Variants in C8orf34 observed in about 807,000 individuals in gnomAD.
C8orf34 encodes chromosome 8 open reading frame 34.
In C8orf34, 65 loss-of-function variants were observed where a neutral mutation model predicts 68.3. The observed-to-expected ratio is 0.95, with a 90% CI of 0.78 to 1.17. The LOEUF (loss-of-function observed/expected upper bound fraction) is 1.17, where lower values mean the gene tolerates loss of function less well. Among genes scored for constraint, C8orf34 ranks in the 50% most tolerant of loss-of-function variants. C8orf34 has a pLI of 0.00. For missense variants in C8orf34, 664 were observed against 655.4 expected (o/e 1.01, Z -0.14); for synonymous variants, 244 against 241.2 (o/e 1.01, Z -0.11).
intron 1 of C8orf34, among the ~76,000 whole-genome samples, chr8:68,396,045 C>T (rs1367969258): frequency 6.6e-6 from 1 of 151,960 alleles, no homozygotes; most frequent in Non-Finnish European, 1.5e-5. Flanking sequence ...TATTATACCC[C>T]ATACTTTGGA....
At chr8:68,485,931 GTCTTAA>G (rs1813061396) in intron 4 of C8orf34, among the ~76,000 whole-genome samples, 1 of 151,640 alleles carries the variant, frequency 6.6e-6, no homozygotes, top group Non-Finnish European at 1.5e-5. Context: ...AAGATATTCA[GTCTTAA>G]TCTTGAATTC....
At chr8:68,382,461 C>T (rs2129620272) in intron 1 of C8orf34, among the ~76,000 whole-genome samples, 1 of 152,316 alleles carries the variant, frequency 6.6e-6, no homozygotes, top group African/African-American at 2.4e-5. Flanking sequence ...TTCAAGAGTT[C>T]AAAAGTAACG....
chr8:68,699,833 A>G (rs1175551480), intron 8 of C8orf34, among the ~76,000 whole-genome samples: 2 of 152,154 alleles, frequency 1.3e-5, no homozygotes, highest in Non-Finnish European at 2.9e-5. Context: ...TATAAAAGGA[A>G]CTATAAATTT....
At chr8:68,603,518 CATATATCTATCT>C (rs1283160801) in intron 7 of C8orf34, among the ~76,000 whole-genome samples, 8 of 94,894 alleles carry the variant, frequency 8.4e-5, no homozygotes, top group African/African-American at 4.6e-4. Flanking sequence ...TGTATATATA[CATATATCTATCT>C]ATCTATCTAT....
At chr8:68,435,040 ACT>A (rs1810600630) in intron 1 of C8orf34, among the ~76,000 whole-genome samples, 1 of 147,888 alleles carries the variant, frequency 6.8e-6, no homozygotes. Flanking sequence ...ACAGAGCGAG[ACT>A]CCATCTCAAA....
At chr8:68,621,924 T>C (rs1390788682) in intron 7 of C8orf34, among the ~76,000 whole-genome samples, 1 of 152,178 alleles carries the variant, frequency 6.6e-6, no homozygotes, top group East Asian at 1.9e-4. Context: ...TGTCTGTGGG[T>C]CAGGACTCTA....
At chr8:68,400,653 T>C (rs973732977) in intron 1 of C8orf34, among the ~76,000 whole-genome samples, 1 of 152,126 alleles carries the variant, frequency 6.6e-6, no homozygotes, top group Non-Finnish European at 1.5e-5. Context: ...CTCCAACTCC[T>C]GGGCTTAGGT....
chr8:68,626,247 C>T (rs1353035157), intron 7 of C8orf34, among the ~76,000 whole-genome samples: 1 of 152,062 alleles, frequency 6.6e-6, no homozygotes, highest in Non-Finnish European at 1.5e-5. Flanking sequence ...AGACAGAATA[C>T]AAGGAAAGAA....
chr8:68,705,652 G>A (rs956936150), intron 8 of C8orf34, among the ~76,000 whole-genome samples: 3 of 152,050 alleles, frequency 2.0e-5, no homozygotes, highest in African/African-American at 7.2e-5. Flanking sequence ...GAATATGGGA[G>A]TTTGGCTCAA....
intron 7 of C8orf34, among the ~76,000 whole-genome samples, chr8:68,574,056 C>T (rs1028111367): frequency 3.9e-5 from 6 of 151,976 alleles, no homozygotes; most frequent in African/African-American, 1.2e-4. Context: ...TATTTGACTA[C>T]CAAATTATTT....
intron 12 of C8orf34, among the ~76,000 whole-genome samples, chr8:68,788,813 C>T (rs781621088): frequency 3.5e-4 from 53 of 151,768 alleles, no homozygotes; most frequent in Non-Finnish European, 6.3e-4. Context: ...AAGCCGAGAT[C>T]GCGCCACTGC....
intron 7 of C8orf34, among the ~76,000 whole-genome samples, chr8:68,625,077 C>G (rs1235996132): frequency 6.6e-6 from 1 of 152,078 alleles, no homozygotes; most frequent in Non-Finnish European, 1.5e-5. Context: ...AGAGGTTGCT[C>G]TCTTACATAA....
At chr8:68,514,585 G>A (rs1814423880) in intron 5 of C8orf34, among the ~76,000 whole-genome samples, 2 of 152,086 alleles carry the variant, frequency 1.3e-5, no homozygotes, top group South Asian at 4.1e-4. Context: ...TTCCATTTCA[G>A]CTAGAAGTAT....
At chr8:68,689,656 G>A (rs535369657) in intron 8 of C8orf34, among the ~76,000 whole-genome samples, 3 of 152,040 alleles carry the variant, frequency 2.0e-5, no homozygotes, top group African/African-American at 4.8e-5. Context: ...TCTAGTTGTG[G>A]TCCTGCCTCC....
At chr8:68,800,456 A>T (rs1824299115) in intron 12 of C8orf34, among the ~76,000 whole-genome samples, 2 of 152,330 alleles carry the variant, frequency 1.3e-5, no homozygotes, top group South Asian at 4.1e-4. Context: ...AGGATGAAAC[A>T]AATAATTTAA....
intron 1 of C8orf34, among the ~76,000 whole-genome samples, chr8:68,429,108 TTTTG>T (rs553712882): frequency 5.3e-5 from 8 of 152,226 alleles, no homozygotes; most frequent in African/African-American, 1.7e-4. Flanking sequence ...AATAAAGAAC[TTTTG>T]TTTATCAAAA....
chr8:68,369,052 A>G (rs1807439585), intron 1 of C8orf34, among the ~76,000 whole-genome samples: 1 of 152,176 alleles, frequency 6.6e-6, no homozygotes, highest in African/African-American at 2.4e-5. Flanking sequence ...CACTTTTTCT[A>G]GTTTATATGC....
chr8:68,608,725 G>A (rs374011700), intron 7 of C8orf34, among the ~76,000 whole-genome samples: 1 of 152,012 alleles, frequency 6.6e-6, no homozygotes. Context: ...GGATCATGTG[G>A]CAGCTGTCTC....
At chr8:68,571,426 C>T (rs1816755764) in intron 7 of C8orf34, among the ~76,000 whole-genome samples, 1 of 152,184 alleles carries the variant, frequency 6.6e-6, no homozygotes, top group Non-Finnish European at 1.5e-5. Flanking sequence ...TGGAGCAAGA[C>T]AACTTCAGAG....
Sources: gnomAD v4.1 joint callset for allele counts (sites outside exome capture counted in the v4.1 genomes callset) on GRCh38, gnomAD v4.1.1 for gene constraint, MANE v1.5 for transcripts, NCBI Gene and HGNC (gene_info 2026-07-23, HGNC 2026-07-21) for gene names.